Variants in KCNH1 observed in about 807,000 individuals in gnomAD.
KCNH1 encodes the protein voltage-gated delayed rectifier potassium channel KCNH1.
Under a neutral mutation model 69.2 loss-of-function variants are expected in KCNH1, and 27 were observed. That is an observed-to-expected ratio of 0.39 (90% CI 0.29 to 0.54). The LOEUF (loss-of-function observed/expected upper bound fraction) is 0.54. KCNH1 is among the 20% of genes least tolerant of loss of function. KCNH1 has a pLI of 0.68. For synonymous variants in KCNH1, 456 were observed against 487.7 expected (o/e 0.93, Z 0.86); for missense variants, 798 against 1,261.6 (o/e 0.63, Z 5.57).
At chr1:210,970,504 T>A (rs1004148334) in intron 6 of KCNH1, among the ~76,000 whole-genome samples, 1 of 152,142 alleles carries the variant, frequency 6.6e-6, no homozygotes, top group Non-Finnish European at 1.5e-5. Context: ...AACCATCTGA[T>A]CTTCAACATA....
intron 1 of KCNH1, among the ~76,000 whole-genome samples, chr1:211,127,787 CT>C (rs1691807996): frequency 1.3e-5 from 2 of 152,134 alleles, no homozygotes; most frequent in Admixed American, 6.5e-5. Context: ...AATATAAAAC[CT>C]TTGGAAAACT....
In KCNH1 at chr1:210,926,597, T is replaced by C. The variant is rs1009710198; in HGVS notation, c.1033-6528A>G. Among the ~76,000 whole-genome samples the C allele has an allele frequency of 2.0e-5, 3 of 152,068 alleles. No individual in the cohort carries two copies. The East Asian group carries it at 5.8e-4, about 29-fold the overall frequency. On this transcript the variant is annotated intron_variant, in intron 6 of 10. Coordinates refer to ENST00000271751, the MANE Select transcript of KCNH1 (RefSeq NM_172362.3). Reference sequence around the variant, plus strand: ...TGAATCCCAGAACTTCCCTCTGATATAGTAAACCCAAATGAGAAGGAACCA... The same window carrying C: ...TGAATCCCAGAACTTCCCTCTGATACAGTAAACCCAAATGAGAAGGAACCA...
intron 7 of KCNH1, among the ~76,000 whole-genome samples, chr1:210,889,618 T>G (rs979874351): frequency 1.3e-4 from 20 of 152,174 alleles, no homozygotes; most frequent in African/African-American, 4.6e-4. Flanking sequence ...TCAAATTGTC[T>G]CTGTTTGCAG....
At chr1:211,064,956 A>G (rs1175478155) in intron 5 of KCNH1, among the ~76,000 whole-genome samples, 1 of 152,222 alleles carries the variant, frequency 6.6e-6, no homozygotes, top group African/African-American at 2.4e-5. Flanking sequence ...ACATCTGTTA[A>G]AATGACTATT....
chr1:211,081,977 T>TA (rs577894757), intron 5 of KCNH1, among the ~76,000 whole-genome samples: 1 of 151,678 alleles, frequency 6.6e-6, no homozygotes, highest in South Asian at 2.1e-4. Context: ...AAAGAGAAGT[T>TA]AAAAAATTAA....
intron 7 of KCNH1, among the ~76,000 whole-genome samples, chr1:210,894,360 G>A (rs1686815913): frequency 3.3e-5 from 5 of 152,274 alleles, no homozygotes; most frequent in South Asian, 2.1e-4. Flanking sequence ...CCAATGTCCC[G>A]TCAATACAGC....
intron 5 of KCNH1, among the ~76,000 whole-genome samples, chr1:211,077,771 A>G (rs1690764202): frequency 6.6e-6 from 1 of 152,212 alleles, no homozygotes; most frequent in Non-Finnish European, 1.5e-5. Context: ...TTAACCTTAA[A>G]AGTAAATGGG....
At chr1:210,985,489 T>G (rs1416162506) in intron 6 of KCNH1, among the ~76,000 whole-genome samples, 1 of 152,214 alleles carries the variant, frequency 6.6e-6, no homozygotes, top group African/African-American at 2.4e-5. Flanking sequence ...TGTGTCTTTG[T>G]TCTCGCTGGT....
At chr1:210,957,694 T>G (rs1022072841) in intron 6 of KCNH1, among the ~76,000 whole-genome samples, 2 of 152,176 alleles carry the variant, frequency 1.3e-5, no homozygotes, top group African/African-American at 2.4e-5. Context: ...CTTTTGATCT[T>G]TTTTGGTTTA....
rs1687041574 is a variant in KCNH1 at position 210,903,681 on chromosome 1, T to C, written c.1462+15959A>G. Among the ~76,000 whole-genome samples the C allele has an allele frequency of 3.3e-5, 5 of 152,290 alleles. 1 individual carries two copies. The South Asian group carries it at 1.0e-3, about 32-fold the overall frequency. ...GATCCTGTTCACTTTCCCATTGGAA[T>C]AAGGGTTGACACCTCAAGTCACCTC... On this transcript the variant is annotated intron_variant, in intron 7 of 10. Transcript: ENST00000271751.
intron 1 of KCNH1, among the ~76,000 whole-genome samples, chr1:211,132,088 C>A (rs536079851): frequency 1.3e-5 from 2 of 152,320 alleles, no homozygotes; most frequent in East Asian, 3.9e-4. Context: ...CCTGCTCCCT[C>A]CACTCAAAAA....
chr1:210,880,804 G>A (rs1253211863), intron 7 of KCNH1, among the ~76,000 whole-genome samples: 1 of 151,730 alleles, frequency 6.6e-6, no homozygotes. Flanking sequence ...CCACAAAATG[G>A]GGGAAAAAAT....
intron 3 of KCNH1, among the ~76,000 whole-genome samples, chr1:211,094,703 A>T (rs555136751): frequency 6.6e-6 from 1 of 152,318 alleles, no homozygotes; most frequent in East Asian, 1.9e-4. Context: ...GGAATGCTAA[A>T]TTTAAAAAAA....
At chr1:210,848,970 T>C (rs1054564854) in intron 7 of KCNH1, among the ~76,000 whole-genome samples, 2 of 152,042 alleles carry the variant, frequency 1.3e-5, no homozygotes, top group African/African-American at 4.8e-5. Flanking sequence ...CACAACTAAT[T>C]ACAATTCAAG....
At position 210,983,888 on chromosome 1, in the gene KCNH1, T is replaced by C. The variant is rs2102380942; in HGVS notation, c.1032+34895A>G. On this transcript the variant is annotated intron_variant, in intron 6 of 10. Transcript: ENST00000271751. Reference sequence around the variant, plus strand: ...AGTATGGCCATTTTCGTGATATTGATTCTTCCTACCTATGAGCATGGAATG... The same window carrying C: ...AGTATGGCCATTTTCGTGATATTGACTCTTCCTACCTATGAGCATGGAATG... Among the ~76,000 whole-genome samples, 4 of 152,360 alleles carry C rather than the reference T, an allele frequency of 2.6e-5. No individual in the cohort carries two copies. The Middle Eastern group carries it at 0.01, about 389-fold the overall frequency.
chr1:211,048,961 A>G (rs947078006), intron 5 of KCNH1, among the ~76,000 whole-genome samples: 1 of 152,232 alleles, frequency 6.6e-6, no homozygotes, highest in African/African-American at 2.4e-5. Flanking sequence ...AGCTTCCTCA[A>G]GGATCAGAGA....
chr1:210,838,724 AAAAC>A (rs1380774595), intron 7 of KCNH1, among the ~76,000 whole-genome samples: 1 of 152,170 alleles, frequency 6.6e-6, no homozygotes, highest in Non-Finnish European at 1.5e-5. Context: ...TTACAAGAGA[AAAAC>A]AACCCCATTA....
At chr1:210,997,536 T>C (rs186687218) in intron 6 of KCNH1, among the ~76,000 whole-genome samples, 17 of 152,284 alleles carry the variant, frequency 1.1e-4, no homozygotes, top group Middle Eastern at 6.8e-3. Context: ...CTACGTCTGA[T>C]TGGTGTACCT....
At chr1:211,007,663 C>T (rs756132652) in intron 6 of KCNH1, among the ~76,000 whole-genome samples, 11 of 152,312 alleles carry the variant, frequency 7.2e-5, no homozygotes, top group South Asian at 2.1e-4. Context: ...TCCTGCAAGG[C>T]CCTTCAGCAG....
Sources: allele counts gnomAD v4.1 joint callset (sites outside exome capture counted in the v4.1 genomes callset), GRCh38; gene constraint gnomAD v4.1.1; transcripts MANE v1.5; gene names NCBI Gene and HGNC (gene_info 2026-07-23, HGNC 2026-07-21).